CCDC148: variants seen among roughly 807,000 people sequenced by gnomAD.
CCDC148 encodes coiled-coil domain containing 148.
Under a neutral mutation model 85.7 loss-of-function variants are expected in CCDC148, and 89 were observed. The observed-to-expected ratio is 1.04, with a 90% confidence interval of 0.87 to 1.24. The LOEUF (loss-of-function observed/expected upper bound fraction) is 1.24. CCDC148 is among the 50% of genes most tolerant of loss of function. The pLI is 0.00. For synonymous variants in CCDC148, 230 were observed against 213.9 expected (o/e 1.08, Z -0.66); for missense variants, 692 against 671.7 (o/e 1.03, Z -0.33).
intron 1 of CCDC148, among the ~76,000 whole-genome samples, chr2:158,412,947 AC>A: frequency 6.6e-6 from 1 of 151,130 alleles, no homozygotes; most frequent in South Asian, 2.1e-4. Context: ...GGTGTGCTGC[AC>A]CCATTAACTC....
chr2:158,345,464 T>A (rs1574659313), intron 2 of CCDC148, 146 bp from the exon 3 acceptor site: 1 of 537,880 alleles, frequency 1.9e-6, no homozygotes, highest in East Asian at 3.3e-5. Flanking sequence ...AAAATCTACC[T>A]AAAATAAATT....
intron 1 of CCDC148, among the ~76,000 whole-genome samples, chr2:158,428,627 C>G (rs958528994): frequency 4.7e-5 from 7 of 150,342 alleles, no homozygotes; most frequent in South Asian, 2.1e-4. Flanking sequence ...ATTAAAAAGT[C>G]AGGAAACAAC....
chr2:158,191,374 T>C (rs1685415408), intron 11 of CCDC148, among the ~76,000 whole-genome samples: 1 of 152,006 alleles, frequency 6.6e-6, no homozygotes, highest in African/African-American at 2.4e-5. Flanking sequence ...GAAGTAAACC[T>C]TGATTTTCTT....
At chr2:158,177,322 G>A (rs1381128934) in intron 12 of CCDC148, among the ~76,000 whole-genome samples, 1 of 152,040 alleles carries the variant, frequency 6.6e-6, no homozygotes, top group Non-Finnish European at 1.5e-5. Flanking sequence ...TTTTGTAAAT[G>A]ATATGCACCA....
intron 1 of CCDC148, among the ~76,000 whole-genome samples, chr2:158,371,465 G>C (rs1481154018): frequency 1.3e-5 from 2 of 151,992 alleles, no homozygotes; most frequent in African/African-American, 2.4e-5. Context: ...TCTAACAGAA[G>C]AGCTGGAGGA....
At chr2:158,387,428 C>A (rs1685136442) in intron 1 of CCDC148, among the ~76,000 whole-genome samples, 1 of 152,088 alleles carries the variant, frequency 6.6e-6, no homozygotes, top group Admixed American at 6.6e-5. Flanking sequence ...AGTCCAGCTG[C>A]CGTTAACTTT....
At chr2:158,267,008 T>C (rs1004758465) in intron 9 of CCDC148, among the ~76,000 whole-genome samples, 3 of 151,784 alleles carry the variant, frequency 2.0e-5, no homozygotes, top group African/African-American at 7.3e-5. Flanking sequence ...TTGATGGGCA[T>C]GAAATTATAC....
intron 10 of CCDC148, among the ~76,000 whole-genome samples, chr2:158,238,392 A>G (rs1688205783): frequency 6.6e-6 from 1 of 152,090 alleles, no homozygotes; most frequent in South Asian, 2.1e-4. Flanking sequence ...CAGATGTCAT[A>G]TTGGAAACCT....
intron 11 of CCDC148, among the ~76,000 whole-genome samples, chr2:158,209,860 T>C (rs538592600): frequency 2.1e-4 from 32 of 152,126 alleles, no homozygotes; most frequent in Non-Finnish European, 4.1e-4. Flanking sequence ...TGCAAAAACA[T>C]ACCAAATTGT....
At chr2:158,331,023 A>T (rs1693080011) in intron 7 of CCDC148, among the ~76,000 whole-genome samples, 1 of 151,448 alleles carries the variant, frequency 6.6e-6, no homozygotes, top group Non-Finnish European at 1.5e-5. Flanking sequence ...TTCTGCTCTG[A>T]TTTTCGTTAT....
chr2:158,257,416 A>C (rs939163826), intron 9 of CCDC148, among the ~76,000 whole-genome samples: 15 of 151,796 alleles, frequency 9.9e-5, no homozygotes, highest in African/African-American at 3.1e-4. Flanking sequence ...GCACCATTAA[A>C]TATTTTTCCA....
intron 1 of CCDC148, among the ~76,000 whole-genome samples, chr2:158,374,309 G>A (rs1304700720): frequency 1.3e-5 from 2 of 151,986 alleles, no homozygotes; most frequent in Non-Finnish European, 2.9e-5. Context: ...CTTGCATTTT[G>A]TTAGTAATCT....
intron 9 of CCDC148, among the ~76,000 whole-genome samples, chr2:158,281,344 T>A (rs897309118): frequency 1.3e-4 from 20 of 152,104 alleles, no homozygotes; most frequent in African/African-American, 4.3e-4. Flanking sequence ...CAGGAGCTGG[T>A]TTCTTGAAAG....
chr2:158,400,786 A>G (rs1434413494), intron 1 of CCDC148, among the ~76,000 whole-genome samples: 3 of 152,216 alleles, frequency 2.0e-5, no homozygotes, highest in Non-Finnish European at 4.4e-5. Context: ...ACAGAATGGG[A>G]GAAAATTTTT....
chr2:158,349,237 AAT>A (rs1683143137), intron 2 of CCDC148, among the ~76,000 whole-genome samples: 1 of 151,986 alleles, frequency 6.6e-6, no homozygotes, highest in Non-Finnish European at 1.5e-5. Flanking sequence ...ATTTTATTTA[AAT>A]ATGTTTATAT....
intron 1 of CCDC148, among the ~76,000 whole-genome samples, chr2:158,435,989 G>A (rs1020036843): frequency 3.3e-5 from 5 of 152,094 alleles, no homozygotes; most frequent in Non-Finnish European, 5.9e-5. Context: ...AGTTCTTAGA[G>A]ACCTACAAAG....
intron 9 of CCDC148, among the ~76,000 whole-genome samples, chr2:158,266,774 T>G (rs963286743): frequency 6.6e-6 from 1 of 151,994 alleles, no homozygotes; most frequent in Non-Finnish European, 1.5e-5. Context: ...TCCAATCCCA[T>G]CCAGGTTGCT....
chr2:158,275,836 A>G (rs1366737927), intron 9 of CCDC148, among the ~76,000 whole-genome samples: 2 of 152,136 alleles, frequency 1.3e-5, no homozygotes, highest in South Asian at 2.1e-4. Flanking sequence ...GGTTTCTCTT[A>G]CAATGGAAGT....
Position 158,317,691 on chromosome 2 carries a change from G to A in CCDC148, c.765-3797C>T, listed in dbSNP as rs548460038. 3.9e-5 allele frequency among the ~76,000 whole-genome samples: 6 copies of A among 152,224 alleles called. No homozygotes were observed. In the East Asian group the frequency reaches 9.7e-4, roughly 24 times the overall value. On this transcript the variant is annotated intron_variant, in intron 7 of 13. Transcript: ENST00000283233. ...TCCGTGACATTCAAATACATTTAGG[G>A]GTGGAGGGCAGACAATGGTGCTAAA...
Sources: gnomAD v4.1 joint callset for allele counts (sites outside exome capture counted in the v4.1 genomes callset) on GRCh38, gnomAD v4.1.1 for gene constraint, MANE v1.5 for transcripts, NCBI Gene and HGNC (gene_info 2026-07-23, HGNC 2026-07-21) for gene names.